Variants in BBS9 observed in about 807,000 individuals in gnomAD.
BBS9 encodes the protein protein PTHB1.
In BBS9, 89 loss-of-function variants were observed where a neutral mutation model predicts 117.7. The observed-to-expected ratio is 0.76, with a 90% CI of 0.64 to 0.90. The LOEUF is 0.90. Ranked by LOEUF, BBS9 falls within the 40% of genes least tolerant of loss-of-function variation. BBS9 has a pLI of 0.00. For synonymous variants in BBS9, 379 were observed against 370.9 expected (o/e 1.02, Z -0.25); for missense variants, 982 against 1,042.2 (o/e 0.94, Z 0.80).
Position 33,129,709 on chromosome 7 carries a change from C to G in BBS9, c.-344C>G, listed in dbSNP as rs1294448044. ...GAGCAGCAGGACTTGCATTTGTTCTCGCCTGCCTAGTGTCTTCCAAGGGAT... is the reference window on the plus strand; with the variant it reads ...GAGCAGCAGGACTTGCATTTGTTCTGGCCTGCCTAGTGTCTTCCAAGGGAT... On this transcript the variant is annotated 5_prime_UTR_variant, in exon 1 of 23. Transcript: ENST00000242067. 1 of 152,392 alleles carries G rather than the reference C, an allele frequency of 6.6e-6. No individual in the cohort carries two copies. Among genetic ancestry groups the G allele is most frequent in the Non-Finnish European group, 1.5e-5 (1 of 68,232 alleles). 9.4% of individuals were successfully genotyped at this position (152,392 alleles called of 1,614,324 possible).
intron 21 of BBS9, among the ~76,000 whole-genome samples, chr7:33,567,679 C>G (rs1243651446): frequency 1.3e-5 from 2 of 152,154 alleles, no homozygotes; most frequent in African/African-American, 2.4e-5. Flanking sequence ...ACCAGGTCTT[C>G]TCTCCCAAGC....
intron 7 of BBS9, among the ~76,000 whole-genome samples, chr7:33,268,243 T>C (rs1799148192): frequency 6.6e-6 from 1 of 152,204 alleles, no homozygotes; most frequent in South Asian, 2.1e-4. Flanking sequence ...AATTTGCCAG[T>C]AAGTACTCAG....
chr7:33,196,926 G>A (rs949110207), intron 5 of BBS9, among the ~76,000 whole-genome samples: 2 of 152,106 alleles, frequency 1.3e-5, no homozygotes, highest in African/African-American at 4.8e-5. Context: ...GTTATAAAGA[G>A]AGTTCCCAGT....
chr7:33,483,617 A>T (rs1037998849), intron 19 of BBS9, among the ~76,000 whole-genome samples: 5 of 147,578 alleles, frequency 3.4e-5, no homozygotes, highest in Admixed American at 6.7e-5. Context: ...GGTTTAATAG[A>T]TTCGAGTTTG....
intron 5 of BBS9, among the ~76,000 whole-genome samples, chr7:33,242,087 A>C (rs1396795053): frequency 6.6e-6 from 1 of 152,184 alleles, no homozygotes; most frequent in Non-Finnish European, 1.5e-5. Context: ...CTTCCAACCC[A>C]GTATCACTTT....
intron 4 of BBS9, among the ~76,000 whole-genome samples, chr7:33,176,654 A>G (rs181129213): frequency 6.6e-6 from 1 of 152,312 alleles, no homozygotes; most frequent in East Asian, 1.9e-4. Flanking sequence ...AGATATTTTT[A>G]GTGATTGAGT....
chr7:33,515,294 C>A (rs989853041), intron 20 of BBS9, among the ~76,000 whole-genome samples: 38 of 152,110 alleles, frequency 2.5e-4, no homozygotes, highest in Non-Finnish European at 5.9e-5. Flanking sequence ...GTAAGGTATC[C>A]CTGAAACTTC....
chr7:33,512,755 G>A lies in BBS9; in HGVS notation c.2298+7110G>A, dbSNP rs749357094. 4.5e-4 allele frequency among the ~76,000 whole-genome samples: 69 copies of A among 152,296 alleles called. 1 individual carries two copies. Among genetic ancestry groups the A allele is most frequent in the South Asian group, 3.9e-3 (19 of 4,832 alleles). Reference sequence around the variant, plus strand: ...GCCTTCGTTCCTTTAAAAGCAGCACGCCCGCTGTGCTGTGGACCACAACAT... The same window carrying A: ...GCCTTCGTTCCTTTAAAAGCAGCACACCCGCTGTGCTGTGGACCACAACAT... On this transcript the variant is annotated intron_variant, in intron 20 of 22. Coordinates refer to ENST00000242067, the MANE Select transcript of BBS9 (RefSeq NM_198428.3).
chr7:33,411,040 T>C (rs1255082422), intron 19 of BBS9, among the ~76,000 whole-genome samples: 1 of 144,692 alleles, frequency 6.9e-6, no homozygotes, highest in Non-Finnish European at 1.5e-5. Context: ...TTGCTTTATA[T>C]ATCTCCAATA....
intron 9 of BBS9, among the ~76,000 whole-genome samples, chr7:33,313,150 G>T (rs1290209004): frequency 6.6e-6 from 1 of 150,666 alleles, no homozygotes; most frequent in Non-Finnish European, 1.5e-5. Flanking sequence ...TTGAATTCTT[G>T]CTTAGGTCAT....
intron 19 of BBS9, among the ~76,000 whole-genome samples, chr7:33,451,952 G>A (rs764264427): frequency 3.3e-5 from 5 of 152,050 alleles, no homozygotes; most frequent in Non-Finnish European, 7.4e-5. Context: ...TTGTGCTTCA[G>A]GCTCCCAAGA....
intron 17 of BBS9, among the ~76,000 whole-genome samples, chr7:33,381,736 G>A (rs757905368): frequency 6.6e-6 from 1 of 152,174 alleles, no homozygotes; most frequent in Non-Finnish European, 1.5e-5. Context: ...TAAGACTGGG[G>A]TGAAGGGAGG....
intron 5 of BBS9, among the ~76,000 whole-genome samples, chr7:33,180,242 G>A (rs544231053): frequency 3.7e-4 from 57 of 152,198 alleles, no homozygotes; most frequent in Non-Finnish European, 7.3e-4. Flanking sequence ...CAACACAGCA[G>A]TAGGGGGTAC....
At chr7:33,153,889 A>G (rs1207161479) in intron 3 of BBS9, among the ~76,000 whole-genome samples, 1 of 152,212 alleles carries the variant, frequency 6.6e-6, no homozygotes, top group Non-Finnish European at 1.5e-5. Context: ...TGCCTAGGAC[A>G]TATTAGGTGT....
At chr7:33,233,604 C>G (rs1243144946) in intron 5 of BBS9, among the ~76,000 whole-genome samples, 1 of 152,086 alleles carries the variant, frequency 6.6e-6, no homozygotes, top group African/African-American at 2.4e-5. Context: ...TATCGTATAA[C>G]TGGCATCCCA....
intron 19 of BBS9, among the ~76,000 whole-genome samples, chr7:33,441,793 C>G (rs1312705856): frequency 6.6e-6 from 1 of 151,896 alleles, no homozygotes; most frequent in Non-Finnish European, 1.5e-5. Flanking sequence ...TTGTGGAGCT[C>G]AGAAAGTTTA....
At chr7:33,489,962 T>G (rs367559188) in intron 19 of BBS9, among the ~76,000 whole-genome samples, 1 of 152,232 alleles carries the variant, frequency 6.6e-6, no homozygotes, top group South Asian at 2.1e-4. Context: ...TGTGAATCAG[T>G]TATTTGTAAG....
intron 21 of BBS9, among the ~76,000 whole-genome samples, chr7:33,624,910 C>A (rs1377253561): frequency 1.3e-5 from 2 of 152,146 alleles, no homozygotes; most frequent in African/African-American, 2.4e-5. Flanking sequence ...ATCCTTTCAA[C>A]GATTGAAACA....
At chr7:33,411,790 G>A (rs996900266) in intron 19 of BBS9, among the ~76,000 whole-genome samples, 4 of 152,084 alleles carry the variant, frequency 2.6e-5, no homozygotes, top group African/African-American at 9.7e-5. Context: ...TTAAAGGATT[G>A]TGCTATCAAA....
Sources: gnomAD v4.1 joint callset for allele counts (sites outside exome capture counted in the v4.1 genomes callset) on GRCh38, gnomAD v4.1.1 for gene constraint, MANE v1.5 for transcripts, NCBI Gene and HGNC (gene_info 2026-07-23, HGNC 2026-07-21) for gene names.